Variants in LRRN1 observed in about 807,000 individuals in gnomAD.
The protein encoded by LRRN1 is leucine rich repeat neuronal 1.
Under a neutral mutation model 45.8 loss-of-function variants are expected in LRRN1, and 14 were observed. That is an observed-to-expected ratio of 0.31 (90% CI 0.20 to 0.48). LRRN1 has a LOEUF of 0.48. Ranked by LOEUF, LRRN1 falls within the 20% of genes least tolerant of loss-of-function variation. The pLI is 0.99. For synonymous variants in LRRN1, 359 were observed against 330.1 expected, an observed-to-expected ratio of 1.09 and a Z score of -0.95; for missense variants, 789 against 874.2, an observed-to-expected ratio of 0.90 and a Z score of 1.23.
chr3:3,830,460 C>T (rs1052304946), intron 1 of LRRN1, among the ~76,000 whole-genome samples: 8 of 152,250 alleles, frequency 5.3e-5, no homozygotes, highest in Admixed American at 2.6e-4. Flanking sequence ...TACCCTCCAC[C>T]GCTGTCCTTT....
At chr3:3,807,445 C>A (rs933383099) in intron 1 of LRRN1, among the ~76,000 whole-genome samples, 9 of 152,220 alleles carry the variant, frequency 5.9e-5, no homozygotes, top group African/African-American at 2.2e-4. Flanking sequence ...TGCACACTTA[C>A]ATGCACACAC....
At chr3:3,818,764 T>C (rs1349566417) in intron 1 of LRRN1, among the ~76,000 whole-genome samples, 2 of 152,126 alleles carry the variant, frequency 1.3e-5, no homozygotes, top group Non-Finnish European at 2.9e-5. Context: ...ATAAAGATCA[T>C]AGAGCTTACC....
intron 1 of LRRN1, among the ~76,000 whole-genome samples, chr3:3,810,891 C>G (rs975654088): frequency 1.3e-5 from 2 of 152,122 alleles, no homozygotes; most frequent in Admixed American, 6.5e-5. Flanking sequence ...ATACCATTAA[C>G]TTGATTTTCT....
In LRRN1 at chr3:3,845,600, C is replaced by G; in HGVS notation, c.959C>G (p.Thr320Ser). 2 of 1,614,112 alleles carry G rather than the reference C, an allele frequency of 1.2e-6. No individual in the cohort carries two copies. Among genetic ancestry groups the G allele is most frequent in the Non-Finnish European group, 1.7e-6 (2 of 1,180,030 alleles). ...NLPELTKLEA[T>S]NNPKLSYIHR... ...CCTGAACTCACAAAGCTGGAAGCCA[C>G]CAATAACCCTAAACTCTCTTACATC... Residue 320 changes from threonine to serine, a missense_variant, in exon 2 of 2, where the codon ACC (threonine) becomes AGC (serine). Coordinates refer to ENST00000319331, the MANE Select transcript of LRRN1 (RefSeq NM_020873.7). This position sits in a 1 kb window ranked among gnomAD's most constrained non-coding sequence, Gnocchi z 6.5.
At position 3,846,477 on chromosome 3, in the gene LRRN1, C is replaced by T. The variant is rs1448546525; in HGVS notation, c.1836C>T (p.Val612=). ...HQQTQKSCVN[V]TTKNAAFAVD... is the part of the protein sequence containing the mutation. ...AGACTCAAAAGTCATGCGTAAATGT[C>T]ACAACCAAAAATGCCGCCTTCGCAG... Residue 612 remains valine, a synonymous_variant, in exon 2 of 2, where the codon GTC becomes GTT. Transcript: ENST00000319331. The surrounding 1 kb of genome is among the most constrained non-coding windows in gnomAD (Gnocchi z 5.7). 2 of 1,614,026 alleles carry T rather than the reference C, an allele frequency of 1.2e-6. No homozygotes were observed. The highest frequency in any genetic ancestry group is 1.7e-6 in the Non-Finnish European group (2 of 1,180,038).
At position 3,849,292 on chromosome 3, in the gene LRRN1, A is replaced by T; in HGVS notation, c.*2500A>T. ...AGCACCGGGAAATCTAAGATTTTTC[A>T]TCAACAATATCTTCTGCCAGCCCAG... is the stretch of plus-strand genomic sequence containing the variant. On this transcript the variant is annotated 3_prime_UTR_variant, in exon 2 of 2. Transcript: ENST00000319331. Among the ~76,000 whole-genome samples the T allele has an allele frequency of 6.6e-6, 1 of 152,234 alleles. No individual in the cohort carries two copies. The highest frequency in any genetic ancestry group is 1.9e-4 in the East Asian group (1 of 5,198).
chr3:3,814,764 G>A (rs1692955558), intron 1 of LRRN1, among the ~76,000 whole-genome samples: 1 of 152,128 alleles, frequency 6.6e-6, no homozygotes, highest in African/African-American at 2.4e-5. Flanking sequence ...CTTCTGCCAT[G>A]TGAAGACACA....
intron 1 of LRRN1, among the ~76,000 whole-genome samples, chr3:3,837,312 G>A: frequency 7.6e-6 from 1 of 132,064 alleles, no homozygotes. Flanking sequence ...TGGATTGGGG[G>A]CAAGGGCTTT....
At chr3:3,842,882 C>T (rs965625076) in intron 1 of LRRN1, among the ~76,000 whole-genome samples, 1 of 152,190 alleles carries the variant, frequency 6.6e-6, no homozygotes, top group Non-Finnish European at 1.5e-5. Flanking sequence ...GAACCACTAA[C>T]TACTAATATT....
intron 1 of LRRN1, among the ~76,000 whole-genome samples, chr3:3,834,230 T>G (rs960382314): frequency 6.6e-6 from 1 of 151,922 alleles, no homozygotes; most frequent in Admixed American, 6.6e-5. Flanking sequence ...CCACATATGG[T>G]CAAAGGCATT....
chr3:3,828,670 C>T (rs1693284663), intron 1 of LRRN1, among the ~76,000 whole-genome samples: 2 of 152,102 alleles, frequency 1.3e-5, no homozygotes, highest in African/African-American at 2.4e-5. Flanking sequence ...TTCCCACAAC[C>T]GGAAACACAC....
At chr3:3,801,371 TTTGTC>T (rs1692649122) in intron 1 of LRRN1, 2 of 152,254 alleles carry the variant, frequency 1.3e-5, no homozygotes, top group Non-Finnish European at 2.9e-5. Flanking sequence ...CATGTTTTGT[TTTGTC>T]TTGCCATGAC....
chr3:3,833,338 A>C (rs1236373668), intron 1 of LRRN1, among the ~76,000 whole-genome samples: 1 of 152,194 alleles, frequency 6.6e-6, no homozygotes, highest in Non-Finnish European at 1.5e-5. Flanking sequence ...ACTTCAGCTA[A>C]CCAAGCAAAT....
chr3:3,846,260 T>C lies in LRRN1; in HGVS notation c.1619T>C (p.Leu540Ser), dbSNP rs549645994. 6.2e-7 allele frequency: 1 copy of C among 1,614,040 alleles called. No individual in the cohort carries two copies. The highest frequency in any genetic ancestry group is 1.3e-5 in the African/African-American group (1 of 75,030). ...YVKQTESHSI[L>S]VSWKVNSNVM... ...AAGCAGACAGAATCCCATTCCATCT[T>C]AGTGTCCTGGAAAGTTAATTCCAAT... The change falls in exon 2 of 2, where the codon TTA becomes TCA. Residue 540 changes from leucine to serine, a missense_variant. By Grantham distance (145) the Leu-to-Ser change is moderately radical. Transcript: ENST00000319331. The surrounding 1 kb of genome is among the most constrained non-coding windows in gnomAD (Gnocchi z 5.7).
chr3:3,811,265 C>A (rs990706759), intron 1 of LRRN1, among the ~76,000 whole-genome samples: 1 of 152,212 alleles, frequency 6.6e-6, no homozygotes, highest in Non-Finnish European at 1.5e-5. Flanking sequence ...TTCCTCCAGA[C>A]TGAGTTAGTC....
intron 1 of LRRN1, among the ~76,000 whole-genome samples, chr3:3,815,385 C>G (rs1223776735): frequency 6.6e-6 from 1 of 152,110 alleles, no homozygotes; most frequent in African/African-American, 2.4e-5. Flanking sequence ...GCCCTCAGTG[C>G]CTTACACAGA....
Position 3,846,956 on chromosome 3 carries a change from C to A in LRRN1, c.*164C>A. 10 of 561,004 alleles carry A rather than the reference C, an allele frequency of 1.8e-5. No homozygotes were observed. The highest frequency in any genetic ancestry group is 3.0e-5 in the East Asian group (1 of 33,024). 34.8% of individuals were successfully genotyped at this position (561,004 alleles called of 1,614,324 possible). ...CAAATTTTTTTAGTATAGCGTATCG[C>A]AAGGGTTTGACACGGCTGCCAGCGA... On this transcript the variant is annotated 3_prime_UTR_variant, in exon 2 of 2. Coordinates refer to ENST00000319331, the MANE Select transcript of LRRN1 (RefSeq NM_020873.7). The surrounding 1 kb of genome is among the most constrained non-coding windows in gnomAD (Gnocchi z 5.7).
intron 1 of LRRN1, among the ~76,000 whole-genome samples, chr3:3,823,710 G>C (rs1693154916): frequency 1.3e-5 from 2 of 152,282 alleles, no homozygotes; most frequent in South Asian, 4.1e-4. Context: ...GTCCCAGGTG[G>C]CATAGGTAGT....
At position 3,844,849 on chromosome 3, in the gene LRRN1, C is replaced by G; in HGVS notation, c.208C>G (p.Leu70Val). The G allele has an allele frequency of 6.2e-7, 1 of 1,614,180 alleles. No homozygotes were observed. The highest frequency in any genetic ancestry group is 8.5e-7 in the Non-Finnish European group (1 of 1,180,022). ...CCGCTTAACAAGGATTCCCAGTAAC[C>G]TCTCTAGTGACACACAAGTGCTTCT... ...DLRLTRIPSN[L>V]SSDTQVLLLQ... The change falls in exon 2 of 2, where the codon CTC (leucine) becomes GTC (valine). Residue 70 changes from leucine (L) to valine (V), a missense_variant. Transcript: ENST00000319331.
Sources: allele counts gnomAD v4.1 joint callset (sites outside exome capture counted in the v4.1 genomes callset), GRCh38; gene constraint gnomAD v4.1.1; non-coding constraint Gnocchi (gnomAD v3.1); transcripts MANE v1.5; gene names NCBI Gene and HGNC (gene_info 2026-07-23, HGNC 2026-07-21).